The following ALDH7A1 variants were observed in gnomAD, a reference collection of about 807,000 sequenced individuals.
The protein encoded by ALDH7A1 is alpha-aminoadipic semialdehyde dehydrogenase.
In ALDH7A1, 63 loss-of-function variants were observed where a neutral mutation model predicts 79.9. That is an observed-to-expected ratio of 0.79 (90% CI 0.64 to 0.97). The LOEUF (loss-of-function observed/expected upper bound fraction) is 0.97. ALDH7A1 is among the 50% of genes least tolerant of loss of function. The probability of loss-of-function intolerance (pLI) is 0.00; values close to 1 mark genes in which losing one functional copy is unlikely to be tolerated. For synonymous variants in ALDH7A1, 240 were observed against 231.2 expected (o/e 1.04, Z -0.34); for missense variants, 627 against 665.2 (o/e 0.94, Z 0.63).
Position 126,545,039 on chromosome 5 carries a change from G to T in ALDH7A1, c.1566-20C>A, listed in dbSNP as rs368653376. On this transcript the variant is annotated intron_variant, in intron 17 of 17. Transcript: ENST00000409134. ...ATAGTACTAGTGGGAAAAAATAACA[G>T]AATTAATGACAGTACATACATAACA... The T allele has an allele frequency of 7.7e-6, 12 of 1,567,442 alleles. No individual in the cohort carries two copies. Among genetic ancestry groups the T allele is most frequent in the African/African-American group, 1.4e-5 (1 of 73,904 alleles).
At position 126,584,181 on chromosome 5, in the gene ALDH7A1, G is replaced by A. The variant is rs75640104; in HGVS notation, c.313-169C>T. ...GCACTGGAGCCAAAATAAGAAGCAA[G>A]GCATTCATGGAGCAAATATCTACTG... On this transcript the variant is annotated intron_variant, in intron 3 of 17. Coordinates refer to ENST00000409134, the MANE Select transcript of ALDH7A1 (RefSeq NM_001182.5). 2.8e-3 allele frequency among the ~76,000 whole-genome samples: 427 copies of A among 152,154 alleles called. 12 individuals are homozygous for A. In the East Asian group the frequency reaches 0.075, roughly 27 times the overall value.
At position 126,545,013 on chromosome 5, in the gene ALDH7A1, G is replaced by A; in HGVS notation, c.1572C>T (p.Ile524=). ...CCAGAGGAAGGTCTTTACTGTAGTT[G>A]ATAGTACTAGTGGGAAAAAATAACA... ...KQYMRRSTCT[I]NYSKDLPLAQ... The change falls in exon 18 of 18, where the codon ATC becomes ATT. Residue 524 remains isoleucine (I), a synonymous_variant. Coordinates refer to ENST00000409134, the MANE Select transcript of ALDH7A1 (RefSeq NM_001182.5). 1 of 1,607,354 alleles carries A rather than the reference G, an allele frequency of 6.2e-7. No homozygotes were observed. The highest frequency in any genetic ancestry group is 2.2e-5 in the East Asian group (1 of 44,804).
chr5:126,553,734 T>C (rs957935856), intron 13 of ALDH7A1, among the ~76,000 whole-genome samples: 3 of 151,300 alleles, frequency 2.0e-5, no homozygotes, highest in African/African-American at 7.3e-5. Flanking sequence ...ATTGCTTTAG[T>C]CCAGGAGGAA....
At chr5:126,586,191 T>C (rs1751354301) in intron 3 of ALDH7A1, 1 of 152,254 alleles carries the variant, frequency 6.6e-6, no homozygotes, top group African/African-American at 2.4e-5. Flanking sequence ...ACAATTTATA[T>C]GTTTGCAATG....
chr5:126,556,239 CTTTTTTTTT>C (rs35367836), intron 11 of ALDH7A1, among the ~76,000 whole-genome samples: 1 of 97,934 alleles, frequency 1.0e-5, no homozygotes, highest in Non-Finnish European at 1.9e-5. Context: ...TAAGCCATGT[CTTTTTTTTT>C]TTTTTTTTTT....
chr5:126,544,555 AC>A lies in ALDH7A1; in HGVS notation c.*409del, dbSNP rs556732113. On this transcript the variant is annotated 3_prime_UTR_variant, in exon 18 of 18. Coordinates refer to ENST00000409134, the MANE Select transcript of ALDH7A1 (RefSeq NM_001182.5). ...AGGTGGGTAATGTCAAGCAATATTC[AC>A]CCCCCGCCCCTGAATCCTTCACTTG... 42 of 243,196 alleles carry A rather than the reference AC, an allele frequency of 1.7e-4. No homozygotes were observed. The East Asian group carries it at 4.5e-3, about 26-fold the overall frequency. The allele number at this position is 243,196 out of a possible 1,614,324, so 15.1% of individuals were successfully genotyped here.
At chr5:126,562,717 G>A (rs1335191345) in intron 9 of ALDH7A1, among the ~76,000 whole-genome samples, 11 of 152,116 alleles carry the variant, frequency 7.2e-5, no homozygotes, top group East Asian at 3.9e-4. Context: ...GCGTGGTGGC[G>A]GATGCCTGTA....
At chr5:126,564,733 T>C in intron 9 of ALDH7A1, 2 of 431,318 alleles carry the variant, frequency 4.6e-6, no homozygotes, top group East Asian at 7.1e-5. Flanking sequence ...CATAGCGCTA[T>C]GCTAGGTGTT....
chr5:126,544,857 C>T lies in ALDH7A1; in HGVS notation c.*108G>A, dbSNP rs1749732359. 1.1e-6 allele frequency: 1 copy of T among 876,466 alleles called. No homozygotes were observed. The highest frequency in any genetic ancestry group is 1.7e-5 in the African/African-American group (1 of 60,000). The allele number at this position is 876,466 out of a possible 1,614,324, so 54.3% of individuals were successfully genotyped here. On this transcript the variant is annotated 3_prime_UTR_variant, in exon 18 of 18. Transcript: ENST00000409134. Reference sequence around the variant, plus strand: ...GGGTCATAGGGGGATTAGTCACTGTCACAGTCATAATAATGCATTTATTCA... The same window carrying T: ...GGGTCATAGGGGGATTAGTCACTGTTACAGTCATAATAATGCATTTATTCA...
intron 3 of ALDH7A1, among the ~76,000 whole-genome samples, chr5:126,589,999 C>G (rs567384225): frequency 1.5e-5 from 2 of 135,980 alleles, no homozygotes; most frequent in East Asian, 3.9e-4. Flanking sequence ...TGCCCAGCTG[C>G]CCACTGTCTG....
chr5:126,594,902 G>A (rs1581408891), intron 1 of ALDH7A1, 105 bp downstream of exon 1: 2 of 1,441,722 alleles, frequency 1.4e-6, no homozygotes, highest in East Asian at 5.0e-5. Flanking sequence ...AATCTCCCAT[G>A]CTACTACCGC....
intron 13 of ALDH7A1, 78 bp from the exon 14 acceptor site, chr5:126,552,215 C>T (rs1008004837): frequency 1.9e-5 from 20 of 1,069,356 alleles, no homozygotes; most frequent in African/African-American, 6.3e-5. Context: ...GCAATCTTTG[C>T]CTACATTTAT....
intron 5 of ALDH7A1, chr5:126,582,036 C>T (rs1186263588): frequency 7.5e-6 from 3 of 397,382 alleles, no homozygotes; most frequent in Non-Finnish European, 1.3e-5. Context: ...TAAAAAGATA[C>T]ACAAGGGCCT....
chr5:126,563,366 A>G (rs1174355988), intron 9 of ALDH7A1, among the ~76,000 whole-genome samples: 1 of 152,222 alleles, frequency 6.6e-6, no homozygotes, highest in Non-Finnish European at 1.5e-5. Flanking sequence ...CATCATGATG[A>G]CATACCAAAT....
chr5:126,546,328 T>C lies in ALDH7A1; in HGVS notation c.1561A>G (p.Thr521Ala), dbSNP rs755930241. 2 of 1,614,178 alleles carry C rather than the reference T, an allele frequency of 1.2e-6. No individual in the cohort carries two copies. The highest frequency in any genetic ancestry group is 1.7e-6 in the Non-Finnish European group (2 of 1,180,002). Residue 521 changes from threonine (T) to alanine (A), a missense_variant, in exon 17 of 18, where the codon ACT becomes GCT. Physicochemically the swap from Thr to Ala is moderately conservative, Grantham distance 58 (BLOSUM62 0). Transcript: ENST00000409134. ...DAWKQYMRRS[T>A]CTINYSKDLP... The stretch of plus-strand genomic sequence containing the variant: ...CTTCCCAAAGCCTTTTCTTACCAAG[T>C]AGACCTTCTCATGTACTGTTTCCAG...
chr5:126,589,434 G>A (rs1003988247), intron 3 of ALDH7A1, among the ~76,000 whole-genome samples: 7 of 152,032 alleles, frequency 4.6e-5, no homozygotes, highest in Non-Finnish European at 1.0e-4. Context: ...GGGATTACAG[G>A]CGTGAGCCAT....
chr5:126,547,262 C>T (rs1363605904), intron 16 of ALDH7A1, among the ~76,000 whole-genome samples: 2 of 152,208 alleles, frequency 1.3e-5, no homozygotes, highest in Admixed American at 6.5e-5. Context: ...GGGTCTTCCC[C>T]AACAAACTCT....
chr5:126,564,775 C>T (rs149121533), intron 9 of ALDH7A1, among the ~76,000 whole-genome samples: 2 of 152,206 alleles, frequency 1.3e-5, no homozygotes, highest in South Asian at 4.1e-4. Flanking sequence ...GAAGCTTTTA[C>T]GCCTGACATT....
intron 14 of ALDH7A1, among the ~76,000 whole-genome samples, chr5:126,550,698 G>C (rs544493545): frequency 6.6e-6 from 1 of 152,098 alleles, no homozygotes; most frequent in Non-Finnish European, 1.5e-5. Context: ...AGACTAATTT[G>C]CTCAAGAGCT....
Sources: gnomAD v4.1 joint callset for allele counts (sites outside exome capture counted in the v4.1 genomes callset) on GRCh38, gnomAD v4.1.1 for gene constraint, MANE v1.5 for transcripts, NCBI Gene and HGNC (gene_info 2026-07-23, HGNC 2026-07-21) for gene names.